The following BDH1 variants were observed in gnomAD, a reference collection of about 807,000 sequenced individuals.
The protein encoded by BDH1 is 3-hydroxybutyrate dehydrogenase 1.
In BDH1, 30 loss-of-function variants were observed where a neutral mutation model predicts 33.1. The observed-to-expected ratio is 0.91, with a 90% CI of 0.68 to 1.23. The LOEUF is 1.23. Among genes scored for constraint, BDH1 ranks in the 50% most tolerant of loss-of-function variants. The pLI, the probability that BDH1 is intolerant of heterozygous loss-of-function variation, is 0.00. For synonymous variants in BDH1, 190 were observed against 183.6 expected, an observed-to-expected ratio of 1.03 and a Z score of -0.28; for missense variants, 443 against 464.4, an observed-to-expected ratio of 0.95 and a Z score of 0.42.
chr3:197,536,111 A>G (rs1715131468), intron 3 of BDH1, among the ~76,000 whole-genome samples: 2 of 152,044 alleles, frequency 1.3e-5, no homozygotes, highest in Middle Eastern at 3.4e-3. Flanking sequence ...TAATTTTTGT[A>G]TAAGACGTCA....
At position 197,549,771 on chromosome 3, in the gene BDH1, G is replaced by A. The variant is rs151220169; in HGVS notation, c.-43-3285C>T. Among the ~76,000 whole-genome samples, 189 of 152,294 alleles carry A rather than the reference G, an allele frequency of 1.2e-3. 1 individual carries two copies. Among genetic ancestry groups the A allele is most frequent in the African/African-American group, 4.3e-3 (179 of 41,562 alleles). ...CAGCCTACCTAAACATGTTCTACTT[G>A]GCTGATTTGTTTGGCCAGCCTGCTG... On this transcript the variant is annotated intron_variant, in intron 2 of 7. Transcript: ENST00000392379.
At chr3:197,531,560 T>C (rs1714667336) in intron 5 of BDH1, among the ~76,000 whole-genome samples, 1 of 151,570 alleles carries the variant, frequency 6.6e-6, no homozygotes, top group African/African-American at 2.4e-5. Context: ...CTCAAAAACA[T>C]CACACTAAGT....
chr3:197,526,679 C>G lies in BDH1; in HGVS notation c.268-3898G>C, dbSNP rs1206928286. Among the ~76,000 whole-genome samples, 1 of 152,224 alleles carries G rather than the reference C, an allele frequency of 6.6e-6. No homozygotes were observed. The highest frequency in any genetic ancestry group is 2.4e-5 in the African/African-American group (1 of 41,444). The stretch of plus-strand genomic sequence containing the variant: ...AGGTGACTCCAAGCAGCTCTCTCCA[C>G]TGTCCACACAGGGCCAGGCAACTGT... On this transcript the variant is annotated intron_variant, in intron 5 of 7. Transcript: ENST00000392379. This position sits in a 1 kb window ranked among gnomAD's most constrained non-coding sequence, Gnocchi z 4.7.
At chr3:197,560,332 A>T (rs1717217680), upstream of BDH1, among the ~76,000 whole-genome samples, 1 of 152,230 alleles carries the variant, frequency 6.6e-6, no homozygotes, top group Non-Finnish European at 1.5e-5. Context: ...GGTCCAAGCA[A>T]GCATTAGGTC....
In BDH1 at chr3:197,546,504, C is replaced by A. The variant is rs1160835897; in HGVS notation, c.-43-18G>T. 1.4e-5 allele frequency: 21 copies of A among 1,518,254 alleles called. No individual in the cohort carries two copies. Among genetic ancestry groups the A allele is most frequent in the Non-Finnish European group, 1.9e-5 (21 of 1,094,712 alleles). 94.0% of individuals were successfully genotyped at this position (1,518,254 alleles called of 1,614,324 possible). A position where few individuals can be genotyped will look rare whatever the true frequency, so the allele number is the denominator to read the frequency against. On this transcript the variant is annotated intron_variant, in intron 2 of 7. Transcript: ENST00000392379. The stretch of plus-strand genomic sequence containing the variant: ...CGGTGGTTCTGAAACATAAATGCAC[C>A]CTCAGCATTACTTTGTTGCCTTCCG...
Position 197,523,651 on chromosome 3 carries a change from C to A in BDH1, c.268-870G>T, listed in dbSNP as rs934559988. ...CTGGAGGTCAAGATCAATCATTCAG[C>A]CCCTGTTCCCAGAGTCGTGTTCTAG... On this transcript the variant is annotated intron_variant, in intron 5 of 7. Transcript: ENST00000392379. This position sits in a 1 kb window ranked among gnomAD's most constrained non-coding sequence, Gnocchi z 4.5. Among the ~76,000 whole-genome samples, 1 of 152,154 alleles carries A rather than the reference C, an allele frequency of 6.6e-6. No individual in the cohort carries two copies. Among genetic ancestry groups the A allele is most frequent in the Non-Finnish European group, 1.5e-5 (1 of 68,038 alleles).
At chr3:197,542,905 C>T (rs1474507030) in intron 3 of BDH1, among the ~76,000 whole-genome samples, 3 of 152,136 alleles carry the variant, frequency 2.0e-5, no homozygotes, top group East Asian at 1.9e-4. Context: ...TTTGCCCTAA[C>T]CCAGGAACAG....
chr3:197,545,898 A>T (rs528859538), intron 3 of BDH1, among the ~76,000 whole-genome samples: 14 of 152,326 alleles, frequency 9.2e-5, no homozygotes, highest in Admixed American at 8.5e-4. Context: ...GCACTTTGGG[A>T]GGCCAAGGCG....
At chr3:197,533,229 C>T (rs1037189213) in intron 4 of BDH1, among the ~76,000 whole-genome samples, 2 of 132,294 alleles carry the variant, frequency 1.5e-5, no homozygotes, top group African/African-American at 3.6e-5. Context: ...TGGGAGTTCT[C>T]GCCCCCCACC....
At chr3:197,542,619 G>C (rs980029338) in intron 3 of BDH1, among the ~76,000 whole-genome samples, 1 of 147,010 alleles carries the variant, frequency 6.8e-6, no homozygotes, top group African/African-American at 2.6e-5. Flanking sequence ...TTCCTCCCGG[G>C]TTCAAGCGAT....
At chr3:197,532,032 C>T (rs932556382) in intron 5 of BDH1, among the ~76,000 whole-genome samples, 5 of 152,142 alleles carry the variant, frequency 3.3e-5, no homozygotes, top group Admixed American at 2.6e-4. Flanking sequence ...ACAGTCTCGC[C>T]GAACATTCTC....
intron 2 of BDH1, among the ~76,000 whole-genome samples, chr3:197,549,264 AT>A (rs1183373503): frequency 6.6e-6 from 1 of 152,146 alleles, no homozygotes; most frequent in Non-Finnish European, 1.5e-5. Context: ...TCTTGGAGAC[AT>A]TTTTTAATGC....
chr3:197,542,114 G>A (rs1032755044), intron 3 of BDH1, among the ~76,000 whole-genome samples: 2 of 152,232 alleles, frequency 1.3e-5, no homozygotes, highest in Admixed American at 6.5e-5. Flanking sequence ...ATGCAGGTGC[G>A]TTGCTTGTCC....
rs141313997 is a variant in BDH1 at position 197,533,065 on chromosome 3, T to C, written c.156+424A>G. Among the ~76,000 whole-genome samples, 3 of 152,216 alleles carry C rather than the reference T, an allele frequency of 2.0e-5. No homozygotes were observed. In the East Asian group the frequency reaches 5.8e-4, roughly 29 times the overall value. On this transcript the variant is annotated intron_variant, in intron 4 of 7. Transcript: ENST00000392379. ...GCTAATTTTGTATTTTTAGTAGAGA[T>C]GGGGTTTCTCCATGTTGGCCAGGCT...
chr3:197,572,730 C>G (rs756945768), intron 1 of BDH1, among the ~76,000 whole-genome samples: 4 of 152,074 alleles, frequency 2.6e-5, no homozygotes, highest in Non-Finnish European at 4.4e-5. Context: ...TAGCAAGACC[C>G]CATTTCTAAA....
intron 2 of BDH1, among the ~76,000 whole-genome samples, chr3:197,550,309 A>G (rs985808108): frequency 3.3e-5 from 5 of 152,208 alleles, no homozygotes; most frequent in African/African-American, 4.8e-5. Context: ...GGCACACCCA[A>G]TGCAGACACC....
Position 197,534,223 on chromosome 3 carries a change from G to A in BDH1, c.84-662C>T, listed in dbSNP as rs1248154852. 17 of 152,090 alleles carry A rather than the reference G, an allele frequency of 1.1e-4. 1 individual carries two copies. The highest frequency in any genetic ancestry group is 1.5e-5 in the Non-Finnish European group (1 of 68,010). 9.4% of individuals were successfully genotyped at this position (152,090 alleles called of 1,614,324 possible). A position where few individuals can be genotyped will look rare whatever the true frequency, so the allele number is the denominator to read the frequency against. ...GGATCCTTCATGTTACCCGTTTATA[G>A]CCACACCTACTTTCTTCCCACCCGG... is the stretch of plus-strand genomic sequence containing the variant. On this transcript the variant is annotated intron_variant, in intron 3 of 7. Coordinates refer to ENST00000392379, the MANE Select transcript of BDH1 (RefSeq NM_203314.3).
chr3:197,548,463 G>C (rs1376646012), intron 2 of BDH1, among the ~76,000 whole-genome samples: 1 of 152,248 alleles, frequency 6.6e-6, no homozygotes, highest in African/African-American at 2.4e-5. Context: ...GCTTTAATAT[G>C]ATCTCCAAAT....
upstream of BDH1, among the ~76,000 whole-genome samples, chr3:197,556,449 C>G (rs1717046403): frequency 6.6e-6 from 1 of 152,234 alleles, no homozygotes; most frequent in South Asian, 2.1e-4. Flanking sequence ...AGGTGGATCA[C>G]TTGGGGTCAG....
Sources: gnomAD v4.1 joint callset for allele counts (sites outside exome capture counted in the v4.1 genomes callset) on GRCh38, gnomAD v4.1.1 for gene constraint, Gnocchi (gnomAD v3.1) non-coding constraint, MANE v1.5 for transcripts, NCBI Gene and HGNC (gene_info 2026-07-23, HGNC 2026-07-21) for gene names.